Variants in CCDC141 observed in about 807,000 individuals in gnomAD.
CCDC141 encodes coiled-coil domain-containing protein 141.
Under a neutral mutation model 181.0 loss-of-function variants are expected in CCDC141, and 168 were observed. The observed-to-expected ratio is 0.93, with a 90% CI of 0.82 to 1.05. The LOEUF is 1.05. CCDC141 is among the 50% of genes least tolerant of loss of function. The probability of loss-of-function intolerance (pLI) is 0.00; values close to 1 mark genes in which losing one functional copy is unlikely to be tolerated. For synonymous variants in CCDC141, 666 were observed against 642.3 expected (o/e 1.04, Z -0.56); for missense variants, 1,902 against 1,788.5 (o/e 1.06, Z -1.14).
chr2:178,975,220 C>T, intron 3 of CCDC141, 55 bp from the exon 4 acceptor site: 1 of 921,394 alleles, frequency 1.1e-6, no homozygotes, highest in Non-Finnish European at 1.6e-6. Context: ...AATTAACGTG[C>T]CATTGTTAGT....
intron 17 of CCDC141, among the ~76,000 whole-genome samples, chr2:178,857,341 T>C (rs1685431503): frequency 6.6e-6 from 1 of 152,170 alleles, no homozygotes; most frequent in Admixed American, 6.6e-5. Flanking sequence ...ATCTGCCCAG[T>C]TAAAAATTAT....
intron 4 of CCDC141, among the ~76,000 whole-genome samples, chr2:178,969,819 G>C (rs190635927): frequency 1.2e-4 from 18 of 152,196 alleles, no homozygotes; most frequent in Non-Finnish European, 2.6e-4. Context: ...CAAATAGGAA[G>C]AGAAGAAGTC....
At chr2:178,854,060 T>C (rs1685280171) in intron 19 of CCDC141, among the ~76,000 whole-genome samples, 1 of 152,226 alleles carries the variant, frequency 6.6e-6, no homozygotes, top group African/African-American at 2.4e-5. Context: ...TCATTAATCA[T>C]ACACTGCTAA....
chr2:178,903,435 T>G (rs192636251), intron 8 of CCDC141, among the ~76,000 whole-genome samples: 141 of 151,986 alleles, frequency 9.3e-4, no homozygotes, highest in African/African-American at 3.1e-3. Context: ...TCATAAAAAT[T>G]ATGAGTTCAT....
At chr2:178,828,797 C>T (rs1164410462), downstream of CCDC141, among the ~76,000 whole-genome samples, 1 of 152,018 alleles carries the variant, frequency 6.6e-6, no homozygotes, top group African/African-American at 2.4e-5. Flanking sequence ...AGACAATTTG[C>T]CATGGATAAA....
Position 178,856,365 on chromosome 2 carries a change from T to C in CCDC141, c.2757A>G (p.Lys919=). ...LKDSFKDIKK[K]FNNLKFNYTK... is the part of the protein sequence containing the mutation. Reference sequence around the variant, plus strand: ...TGTAATTAAACTTCAAATTATTGAATTTCTTTTTGATATCTTTGAATGAGT... The same window carrying C: ...TGTAATTAAACTTCAAATTATTGAACTTCTTTTTGATATCTTTGAATGAGT... The change falls in exon 18 of 24, where the codon AAA becomes AAG. Residue 919 remains lysine, a synonymous_variant. Transcript: ENST00000443758. The C allele has an allele frequency of 1.9e-6, 3 of 1,602,076 alleles. No individual in the cohort carries two copies. The highest frequency in any genetic ancestry group is 2.6e-6 in the Non-Finnish European group (3 of 1,171,700).
At chr2:178,966,549 A>G (rs972147888) in intron 4 of CCDC141, among the ~76,000 whole-genome samples, 3 of 152,208 alleles carry the variant, frequency 2.0e-5, no homozygotes, top group Non-Finnish European at 4.4e-5. Flanking sequence ...AAGGAAAACT[A>G]ACAAACAGAA....
chr2:179,015,258 A>C (rs201341925), intron 2 of CCDC141, among the ~76,000 whole-genome samples: 19 of 36,712 alleles, frequency 5.2e-4, no homozygotes, highest in South Asian at 2.3e-3. Context: ...TATATCTCAT[A>C]TATATCATAT....
chr2:179,045,327 A>C (rs1478997684), intron 2 of CCDC141, among the ~76,000 whole-genome samples: 1 of 136,144 alleles, frequency 7.3e-6, no homozygotes, highest in African/African-American at 2.7e-5. Context: ...CCATGTCCCT[A>C]CAAAGGACAT....
intron 2 of CCDC141, among the ~76,000 whole-genome samples, chr2:178,979,415 G>T (rs1020552396): frequency 6.6e-6 from 1 of 151,830 alleles, no homozygotes; most frequent in South Asian, 2.1e-4. Context: ...ATACAACAAA[G>T]AAAACAAAAG....
intron 8 of CCDC141, among the ~76,000 whole-genome samples, chr2:178,899,601 A>C (rs1410362334): frequency 6.6e-6 from 1 of 152,164 alleles, no homozygotes; most frequent in Non-Finnish European, 1.5e-5. Context: ...AAATTCCTTT[A>C]ACGTGAAGTC....
chr2:179,015,399 A>ATCTCTCATATATGTATCATATATC (rs1463477488), intron 2 of CCDC141, among the ~76,000 whole-genome samples: 12 of 115,154 alleles, frequency 1.0e-4, no homozygotes. Flanking sequence ...TGTATCATAT[A>ATCTCTCATATATGTATCATATATC]TCTCATATAT....
intron 6 of CCDC141, 36 bp downstream of exon 6, chr2:178,944,499 T>G: frequency 9.9e-7 from 1 of 1,010,658 alleles, no homozygotes; most frequent in Non-Finnish European, 1.4e-6. Context: ...TAATGCATTT[T>G]TCAATTATTT....
intron 8 of CCDC141, among the ~76,000 whole-genome samples, chr2:178,895,725 C>G (rs926130462): frequency 2.0e-5 from 3 of 152,110 alleles, no homozygotes; most frequent in African/African-American, 7.2e-5. Context: ...TTGTAATTTC[C>G]TAAATTTCAC....
chr2:178,915,278 T>C (rs1162324369), intron 7 of CCDC141, among the ~76,000 whole-genome samples: 1 of 152,194 alleles, frequency 6.6e-6, no homozygotes, highest in Non-Finnish European at 1.5e-5. Context: ...AAAAAAGGAA[T>C]ATATATGATA....
chr2:179,027,315 A>G (rs2042874706), intron 2 of CCDC141, among the ~76,000 whole-genome samples: 1 of 152,148 alleles, frequency 6.6e-6, no homozygotes, highest in South Asian at 2.1e-4. Flanking sequence ...TTCTCATGAT[A>G]GTGAATGAGT....
In CCDC141 at chr2:178,865,879, TG is replaced by T; in HGVS notation, c.2611del (p.Gln871SerfsTer10). On this transcript the variant is annotated frameshift_variant, in exon 17 of 24. Coordinates refer to ENST00000443758, the MANE Select transcript of CCDC141 (RefSeq NM_173648.4). LOFTEE classifies it high-confidence loss of function. ...GCTGTCCTCCTCAAGGAGCTCCAGC[TG>T]CTGCTGTAGGTTCTTTGCAGAAACA... ...SNVSAKNLQQ[Q>X]LELLEEDSMK... 6.2e-7 allele frequency: 1 copy of T among 1,601,668 alleles called. No individual in the cohort carries two copies. Among genetic ancestry groups the T allele is most frequent in the South Asian group, 1.1e-5 (1 of 88,988 alleles).
intron 8 of CCDC141, among the ~76,000 whole-genome samples, chr2:178,894,761 G>A (rs1246194525): frequency 6.6e-6 from 1 of 151,916 alleles, no homozygotes; most frequent in Non-Finnish European, 1.5e-5. Context: ...GTAAGAGACT[G>A]CAAAGAGACC....
At chr2:178,865,366 T>G (rs1189240659) in intron 17 of CCDC141, among the ~76,000 whole-genome samples, 1 of 152,194 alleles carries the variant, frequency 6.6e-6, no homozygotes, top group Non-Finnish European at 1.5e-5. Flanking sequence ...AGGCTGGAGT[T>G]GGCTGCAACG....
Sources: allele counts gnomAD v4.1 joint callset (sites outside exome capture counted in the v4.1 genomes callset), GRCh38; gene constraint gnomAD v4.1.1; transcripts MANE v1.5; gene names NCBI Gene and HGNC (gene_info 2026-07-23, HGNC 2026-07-21).